Variants in COL4A1 observed in about 807,000 individuals in gnomAD.
COL4A1 encodes collagen type IV alpha 1 chain.
In COL4A1, 40 loss-of-function variants were observed where a neutral mutation model predicts 216.6. That is an observed-to-expected ratio of 0.18 (90% CI 0.14 to 0.24). The LOEUF (loss-of-function observed/expected upper bound fraction) is 0.24, where lower values mean the gene tolerates loss of function less well. Ranked by LOEUF, COL4A1 falls within the 10% of genes least tolerant of loss-of-function variation. COL4A1 has a pLI of 1.00. For synonymous variants in COL4A1, 839 were observed against 810.7 expected (o/e 1.03, Z -0.59); for missense variants, 1,628 against 2,196.8 (o/e 0.74, Z 5.18).
chr13:110,292,258 A>G (rs1405147393), intron 1 of COL4A1, among the ~76,000 whole-genome samples: 5 of 152,222 alleles, frequency 3.3e-5, no homozygotes, highest in African/African-American at 1.2e-4. Flanking sequence ...AGTCTGTGGC[A>G]TACATCTCTG....
chr13:110,264,084 C>T (rs1235180493), intron 1 of COL4A1, among the ~76,000 whole-genome samples: 2 of 152,158 alleles, frequency 1.3e-5, no homozygotes, highest in Non-Finnish European at 2.9e-5. Context: ...CACTGCTTTC[C>T]AACACACACC....
intron 49 of COL4A1, 185 bp downstream of exon 49, chr13:110,161,007 C>T (rs997954988): frequency 1.9e-5 from 14 of 722,794 alleles, no homozygotes; most frequent in Non-Finnish European, 3.2e-5. Context: ...CTGTGCCCAG[C>T]CAACTGACTT....
chr13:110,262,111 G>A (rs1016235454), intron 1 of COL4A1, among the ~76,000 whole-genome samples: 1 of 152,214 alleles, frequency 6.6e-6, no homozygotes, highest in Non-Finnish European at 1.5e-5. Context: ...AATGGAAAGA[G>A]GACCAGTGTT....
chr13:110,184,707 G>GTGT (rs1566357486), intron 26 of COL4A1, among the ~76,000 whole-genome samples: 8 of 145,540 alleles, frequency 5.5e-5, no homozygotes, highest in Admixed American at 1.3e-4. Flanking sequence ...TGTGTGTTTT[G>GTGT]TTTGTTTGTT....
At chr13:110,306,269 A>G (rs2139330233) in intron 1 of COL4A1, among the ~76,000 whole-genome samples, 1 of 152,354 alleles carries the variant, frequency 6.6e-6, no homozygotes, top group East Asian at 1.9e-4. Context: ...ATGCTCAAAT[A>G]TGAATGTGGT....
At chr13:110,299,624 GACTGGTGCACA>G (rs1202502555) in intron 1 of COL4A1, among the ~76,000 whole-genome samples, 7 of 152,206 alleles carry the variant, frequency 4.6e-5, no homozygotes, top group Non-Finnish European at 8.8e-5. Context: ...CAGGGCCTGT[GACTGGTGCACA>G]ACCAGTGTGT....
chr13:110,204,766 C>G (rs1470264739), intron 17 of COL4A1, among the ~76,000 whole-genome samples: 1 of 151,720 alleles, frequency 6.6e-6, no homozygotes, highest in African/African-American at 2.4e-5. Flanking sequence ...TGACTGTGGA[C>G]CCCAATATTA....
At chr13:110,195,156 G>C (rs1199240966) in intron 21 of COL4A1, 38 bp from the exon 22 acceptor site, 1 of 1,574,274 alleles carries the variant, frequency 6.4e-7, no homozygotes, top group African/African-American at 1.3e-5. Flanking sequence ...ATCATAGCTA[G>C]GTGTTTTTAC....
chr13:110,237,442 G>A (rs1881367396), intron 2 of COL4A1, among the ~76,000 whole-genome samples: 1 of 152,174 alleles, frequency 6.6e-6, no homozygotes, highest in African/African-American at 2.4e-5. Flanking sequence ...TGTCACGACT[G>A]CTGGGGTGGG....
intron 2 of COL4A1, among the ~76,000 whole-genome samples, chr13:110,214,613 T>A (rs1275729575): frequency 1.3e-5 from 2 of 152,152 alleles, no homozygotes; most frequent in Non-Finnish European, 2.9e-5. Context: ...CAATTCTCTC[T>A]CTTCTGGAGC....
chr13:110,187,655 T>C (rs1878461369), intron 24 of COL4A1, among the ~76,000 whole-genome samples: 1 of 152,142 alleles, frequency 6.6e-6, no homozygotes, highest in African/African-American at 2.4e-5. Context: ...TGCTCAACAT[T>C]CATAGGAACA....
At chr13:110,285,441 G>A (rs1387600966) in intron 1 of COL4A1, among the ~76,000 whole-genome samples, 1 of 152,230 alleles carries the variant, frequency 6.6e-6, no homozygotes, top group African/African-American at 2.4e-5. Flanking sequence ...GTCTTCTGCA[G>A]TGGAAATACT....
In COL4A1 at chr13:110,242,646, A is replaced by G. The variant is rs1881616998; in HGVS notation, c.144+29T>C. 6 of 1,610,100 alleles carry G rather than the reference A, an allele frequency of 3.7e-6. 1 individual carries two copies. Among genetic ancestry groups the G allele is most frequent in the Middle Eastern group, 1.6e-4 (1 of 6,078 alleles). On this transcript the variant is annotated intron_variant, in intron 2 of 51. Transcript: ENST00000375820. The stretch of plus-strand genomic sequence containing the variant: ...TACTTACTGTCCAATTCACAAAGAA[A>G]TGTTGTGATTTAAATTTCGGCAACT...
chr13:110,226,350 T>C (rs1880736407), intron 2 of COL4A1, among the ~76,000 whole-genome samples: 1 of 152,218 alleles, frequency 6.6e-6, no homozygotes, highest in Non-Finnish European at 1.5e-5. Flanking sequence ...AGCCTGGGTC[T>C]TAGTAAAGCC....
chr13:110,160,449 CA>C lies in COL4A1; in HGVS notation c.4640+742del, dbSNP rs71127918. ...TGGGTGACAGAGCGAGACTCCGTCT[CA>C]AAAAAAAAAAAAAAAATTCATAGGG... On this transcript the variant is annotated intron_variant, in intron 49 of 51. Coordinates refer to ENST00000375820, the MANE Select transcript of COL4A1 (RefSeq NM_001845.6). Among the ~76,000 whole-genome samples the C allele has an allele frequency of 3.8e-3, 407 of 108,116 alleles. 53 individuals are homozygous for C. In the East Asian group the frequency reaches 0.096, roughly 26 times the overall value. The allele number at this position is 108,116 out of a possible 152,430, so 70.9% of individuals were successfully genotyped here.
chr13:110,211,294 G>A lies in COL4A1; in HGVS notation c.468+353C>T, dbSNP rs1333695583. 2.6e-5 allele frequency among the ~76,000 whole-genome samples: 4 copies of A among 152,128 alleles called. No individual in the cohort carries two copies. The highest frequency in any genetic ancestry group is 9.7e-5 in the African/African-American group (4 of 41,426). ...CCGAGCCCCAAGACATCAACACCCC[G>A]CCTGGGAAAAGCTGCCCCAGGTTCC... On this transcript the variant is annotated intron_variant, in intron 8 of 51. Transcript: ENST00000375820. The surrounding 1 kb of genome is among the most constrained non-coding windows in gnomAD (Gnocchi z 4.3).
chr13:110,222,795 A>AAAAAAAAAAAAAAAAAT (rs1880565562), intron 2 of COL4A1, among the ~76,000 whole-genome samples: 1 of 134,980 alleles, frequency 7.4e-6, no homozygotes, highest in Non-Finnish European at 1.7e-5. Context: ...AAAAAAAAAA[A>AAAAAAAAAAAAAAAAAT]AAAGAATTAA....
intron 15 of COL4A1, 70 bp downstream of exon 15, chr13:110,206,595 C>T (rs1879527514): frequency 6.5e-7 from 1 of 1,536,624 alleles, no homozygotes; most frequent in East Asian, 2.2e-5. Context: ...TCTTGTGTTT[C>T]TGTGAATCTG....
At chr13:110,277,463 T>C (rs1883472958) in intron 1 of COL4A1, among the ~76,000 whole-genome samples, 1 of 152,212 alleles carries the variant, frequency 6.6e-6, no homozygotes, top group South Asian at 2.1e-4. Context: ...GCAAAGGTAC[T>C]ATGATAACTT....
Sources: allele counts gnomAD v4.1 joint callset (sites outside exome capture counted in the v4.1 genomes callset), GRCh38; gene constraint gnomAD v4.1.1; non-coding constraint Gnocchi (gnomAD v3.1); transcripts MANE v1.5; gene names NCBI Gene and HGNC (gene_info 2026-07-23, HGNC 2026-07-21).